Variants in ANKHD1 observed in about 807,000 individuals in gnomAD.
ANKHD1 encodes ankyrin repeat and KH domain-containing protein 1.
Under a neutral mutation model 230.5 loss-of-function variants are expected in ANKHD1, and 31 were observed. The ratio of observed to expected loss-of-function variants is 0.13; its 90% CI spans 0.10 to 0.18. ANKHD1 has a LOEUF of 0.18. ANKHD1 is among the 10% of genes least tolerant of loss of function. The pLI, the probability that ANKHD1 is intolerant of heterozygous loss-of-function variation, is 1.00. For missense variants in ANKHD1, 2,256 were observed against 3,071.3 expected, an observed-to-expected ratio of 0.73 and a Z score of 6.27; for synonymous variants, 1,074 against 1,117.6, an observed-to-expected ratio of 0.96 and a Z score of 0.78.
chr5:140,427,399 C>CG (rs545902389), intron 1 of ANKHD1, among the ~76,000 whole-genome samples: 91,453 of 91,778 alleles, frequency 1, 45,571 homozygotes, highest in Middle Eastern at 1. Context: ...CCCTCCCCGA[C>CG]GGGCGGCTGG....
chr5:140,431,935 C>T (rs1050761903), intron 1 of ANKHD1, among the ~76,000 whole-genome samples: 1 of 152,186 alleles, frequency 6.6e-6, no homozygotes, highest in Non-Finnish European at 1.5e-5. Flanking sequence ...CAGGAAGTCA[C>T]TGCTACTGGT....
chr5:140,413,423 A>G (rs72798867), intron 1 of ANKHD1, among the ~76,000 whole-genome samples: 24 of 152,006 alleles, frequency 1.6e-4, no homozygotes, highest in African/African-American at 5.6e-4. Context: ...TTGTTGTGCA[A>G]CCTTCACCAT....
intron 11 of ANKHD1, chr5:140,484,653 C>T (rs1379866755): frequency 1.3e-5 from 2 of 152,434 alleles, no homozygotes; most frequent in African/African-American, 2.4e-5. Flanking sequence ...TTACATTAAC[C>T]TGTATATATT....
chr5:140,491,139 C>CACATATATATATAT (rs1460352213), intron 14 of ANKHD1, among the ~76,000 whole-genome samples: 27 of 56,352 alleles, frequency 4.8e-4, no homozygotes, highest in African/African-American at 5.6e-4. Flanking sequence ...TATATATACA[C>CACATATATATATAT]ATATATATAT....
chr5:140,419,177 G>A (rs557216684), intron 1 of ANKHD1, among the ~76,000 whole-genome samples: 1 of 151,470 alleles, frequency 6.6e-6, no homozygotes, highest in Admixed American at 6.6e-5. Flanking sequence ...GTGAGTGTGA[G>A]GTGGTATCTA....
intron 10 of ANKHD1, among the ~76,000 whole-genome samples, chr5:140,468,052 CTTTTTTTTTTTTTTTTTTTTTTTTTTTT>C (rs869172143): frequency 1.9e-5 from 1 of 52,380 alleles, no homozygotes; most frequent in Non-Finnish European, 3.2e-5. Flanking sequence ...TGTACTAATT[CTTTTTTTTTTTTTTTTTTTTTTTTTTTT>C]TTTTTTTTTT....
At chr5:140,515,984 G>C (rs1581362617) in intron 24 of ANKHD1, among the ~76,000 whole-genome samples, 1 of 152,166 alleles carries the variant, frequency 6.6e-6, no homozygotes, top group South Asian at 2.1e-4. Flanking sequence ...GGCCTCAGAC[G>C]ATCAAATTAC....
At chr5:140,405,243 G>C (rs570883816) in intron 1 of ANKHD1, among the ~76,000 whole-genome samples, 2 of 152,248 alleles carry the variant, frequency 1.3e-5, no homozygotes, top group South Asian at 4.1e-4. Context: ...TTTTGGAATG[G>C]AAGTTTCTAG....
At chr5:140,537,294 T>C (rs1754129102) in intron 30 of ANKHD1, 95 bp from the exon 31 acceptor site, 4 of 1,490,604 alleles carry the variant, frequency 2.7e-6, no homozygotes, top group Non-Finnish European at 1.8e-6. Flanking sequence ...ATTCTTATAG[T>C]TTTTTATATG....
chr5:140,449,661 C>CA (rs1164180028), intron 7 of ANKHD1, among the ~76,000 whole-genome samples: 1,012 of 87,212 alleles, frequency 0.012, 13 homozygotes, highest in Admixed American at 0.058. Flanking sequence ...GACTCGGTCT[C>CA]AAAAAAAAAA....
In ANKHD1 at chr5:140,485,015, T is replaced by C; in HGVS notation, c.1871-106T>C. ...ACTATACACTTAATGATTTGTATAT[T>C]TTTTTGTATCTACATTATACTTCAC... On this transcript the variant is annotated intron_variant, in intron 11 of 33. Coordinates refer to ENST00000360839, the MANE Select transcript of ANKHD1 (RefSeq NM_017747.3). This position sits in a 1 kb window ranked among gnomAD's most constrained non-coding sequence, Gnocchi z 4.8. The C allele has an allele frequency of 7.8e-6, 11 of 1,417,560 alleles. No homozygotes were observed. The highest frequency in any genetic ancestry group is 1.0e-5 in the Non-Finnish European group (11 of 1,077,982). The allele number at this position is 1,417,560 out of a possible 1,614,324, so 87.8% of individuals were successfully genotyped here.
chr5:140,484,945 G>A lies in ANKHD1; in HGVS notation c.1871-176G>A, dbSNP rs1361281666. The A allele has an allele frequency of 3.9e-6, 4 of 1,029,958 alleles. No individual in the cohort carries two copies. In the Admixed American group the frequency reaches 1.1e-4, roughly 27 times the overall value. The allele number at this position is 1,029,958 out of a possible 1,614,324, so 63.8% of individuals were successfully genotyped here. Reference sequence around the variant, plus strand: ...GATAATGTTCTGTTTCTTCCTCTGGGTGCTGGTTACACAGGTGTGTGTTCA... The same window carrying A: ...GATAATGTTCTGTTTCTTCCTCTGGATGCTGGTTACACAGGTGTGTGTTCA... On this transcript the variant is annotated intron_variant, in intron 11 of 33. Coordinates refer to ENST00000360839, the MANE Select transcript of ANKHD1 (RefSeq NM_017747.3).
At position 140,521,851 on chromosome 5, in the gene ANKHD1, C is replaced by T. The variant is rs185263704; in HGVS notation, c.4318-2215C>T. 3.9e-3 allele frequency among the ~76,000 whole-genome samples: 593 copies of T among 151,762 alleles called. 1 individual carries two copies. Among genetic ancestry groups the T allele is most frequent in the Non-Finnish European group, 7.2e-3 (489 of 67,886 alleles). On this transcript the variant is annotated intron_variant, in intron 24 of 33. Transcript: ENST00000360839. The stretch of plus-strand genomic sequence containing the variant: ...AAAATTAGTCAGGCATGGTGGCACA[C>T]GCCTGTAATCCCAGCTACCTGGGAG...
intron 10 of ANKHD1, among the ~76,000 whole-genome samples, chr5:140,479,903 T>G (rs1751192161): frequency 6.8e-6 from 1 of 147,708 alleles, no homozygotes; most frequent in African/African-American, 2.5e-5. Context: ...TGGGAATCAA[T>G]GTACTCCTAT....
intron 1 of ANKHD1, among the ~76,000 whole-genome samples, chr5:140,415,154 C>T (rs919254758): frequency 5.3e-5 from 8 of 151,856 alleles, no homozygotes; most frequent in Non-Finnish European, 1.0e-4. Context: ...GGGGCCGAGG[C>T]GGGCCGATCA....
chr5:140,445,722 T>C lies in ANKHD1; in HGVS notation c.914-20T>C. 4 of 1,551,528 alleles carry C rather than the reference T, an allele frequency of 2.6e-6. No homozygotes were observed. Among genetic ancestry groups the C allele is most frequent in the Non-Finnish European group, 3.5e-6 (4 of 1,147,128 alleles). On this transcript the variant is annotated intron_variant, in intron 5 of 33. Transcript: ENST00000360839. ...ATATATATTCTGCTCATGTATTATATTTCTTCTTCTTCTTTTTAGGAAACA... is the reference window on the plus strand; with the variant it reads ...ATATATATTCTGCTCATGTATTATACTTCTTCTTCTTCTTTTTAGGAAACA...
At chr5:140,429,490 G>T (rs912998488) in intron 1 of ANKHD1, among the ~76,000 whole-genome samples, 4 of 152,146 alleles carry the variant, frequency 2.6e-5, no homozygotes, top group African/African-American at 9.7e-5. Context: ...CATGTTAAAA[G>T]TAAAAATTTC....
At chr5:140,484,528 T>C (rs1458155868) in intron 11 of ANKHD1, among the ~76,000 whole-genome samples, 1 of 152,160 alleles carries the variant, frequency 6.6e-6, no homozygotes, top group Non-Finnish European at 1.5e-5. Context: ...CTCTTAAACA[T>C]TGCTTAAAAA....
chr5:140,528,894 G>T lies in ANKHD1; in HGVS notation c.5948G>T (p.Cys1983Phe). ...GTGATTTCTTCTGTGACAAGCACTT[G>T]TAGTTCCCTGCCTTCTGTCTCCTCT... Reference protein sequence around the residue: ...ATVISSVTSTCSSLPSVSSAP... With the variant: ...ATVISSVTSTFSSLPSVSSAP... Residue 1983 changes from cysteine (C) to phenylalanine (F), a missense_variant, in exon 29 of 34, where the codon TGT becomes TTT. Around this residue, in one of 13 missense-constraint regions of ANKHD1, gnomAD observed 778 missense variants for 966.5 expected, o/e 0.80. Coordinates refer to ENST00000360839, the MANE Select transcript of ANKHD1 (RefSeq NM_017747.3). 1 of 1,614,160 alleles carries T rather than the reference G, an allele frequency of 6.2e-7. No individual in the cohort carries two copies. Among genetic ancestry groups the T allele is most frequent in the Non-Finnish European group, 8.5e-7 (1 of 1,180,034 alleles).
Sources: gnomAD v4.1 joint callset for allele counts (sites outside exome capture counted in the v4.1 genomes callset) on GRCh38, gnomAD v4.1.1 for gene constraint, gnomAD v4.1.1 regional missense constraint, Gnocchi (gnomAD v3.1) non-coding constraint, MANE v1.5 for transcripts, NCBI Gene and HGNC (gene_info 2026-07-23, HGNC 2026-07-21) for gene names.